PRELID2: variants seen among roughly 807,000 people sequenced by gnomAD.
The protein encoded by PRELID2 is PRELI domain-containing protein 2.
A neutral mutation model predicts 28.4 loss-of-function variants in PRELID2; 25 were observed. That is an observed-to-expected ratio of 0.88 (90% CI 0.64 to 1.23). The LOEUF is 1.23. Ranked by LOEUF, PRELID2 falls within the 50% of genes most tolerant of loss-of-function variation. The pLI, the probability that PRELID2 is intolerant of heterozygous loss-of-function variation, is 0.00. For synonymous variants in PRELID2, 76 were observed against 71.6 expected (o/e 1.06, Z -0.31); for missense variants, 201 against 214.4 (o/e 0.94, Z 0.39).
At chr5:145,506,644 A>G (rs552276191) in intron 1 of PRELID2, among the ~76,000 whole-genome samples, 1 of 152,298 alleles carries the variant, frequency 6.6e-6, no homozygotes, top group African/African-American at 2.4e-5. Context: ...CAAGCCCAAC[A>G]TTAATGGGGC....
intron 1 of PRELID2, among the ~76,000 whole-genome samples, chr5:145,489,867 T>C (rs1752251407): frequency 6.6e-6 from 1 of 152,214 alleles, no homozygotes; most frequent in Non-Finnish European, 1.5e-5. Flanking sequence ...ATGAAATACA[T>C]ACATTTATTT....
At chr5:145,252,673 T>C in the PRELID2 span, among the ~76,000 whole-genome samples, 3 of 152,070 alleles carry the variant, frequency 2.0e-5, no homozygotes, top group Admixed American at 1.3e-4. Flanking sequence ...CTGATGACAA[T>C]ACCTTAGATC....
the PRELID2 span, among the ~76,000 whole-genome samples, chr5:145,398,252 G>A: frequency 1.3e-5 from 2 of 151,972 alleles, no homozygotes; most frequent in Non-Finnish European, 2.9e-5. Context: ...TGTCCCCTGG[G>A]GCAACTGTTG....
the PRELID2 span, among the ~76,000 whole-genome samples, chr5:145,432,340 A>C: frequency 2.0e-5 from 3 of 151,696 alleles, no homozygotes; most frequent in African/African-American, 7.3e-5. Flanking sequence ...GAGAGCTTTT[A>C]ATTTTAAGGA....
At chr5:145,405,294 C>A in the PRELID2 span, among the ~76,000 whole-genome samples, 1 of 152,112 alleles carries the variant, frequency 6.6e-6, no homozygotes, top group Non-Finnish European at 1.5e-5. Flanking sequence ...TGTTTTTTCA[C>A]ACAGTTTATC....
chr5:145,464,280 C>A, the PRELID2 span, among the ~76,000 whole-genome samples: 1 of 152,062 alleles, frequency 6.6e-6, no homozygotes, highest in African/African-American at 2.4e-5. Context: ...TTATTTAAGG[C>A]CCTGGCTCAC....
At chr5:145,300,333 C>T in the PRELID2 span, among the ~76,000 whole-genome samples, 2 of 152,046 alleles carry the variant, frequency 1.3e-5, no homozygotes. Flanking sequence ...GAAAGTAATA[C>T]ATTTTAAGGC....
chr5:145,515,015 A>G (rs1405968262), intron 1 of PRELID2, among the ~76,000 whole-genome samples: 1 of 152,208 alleles, frequency 6.6e-6, no homozygotes, highest in Non-Finnish European at 1.5e-5. Context: ...CAGTGTTTAG[A>G]GGGAAATTTA....
the PRELID2 span, among the ~76,000 whole-genome samples, chr5:145,366,800 A>C: frequency 6.6e-6 from 1 of 151,858 alleles, no homozygotes; most frequent in South Asian, 2.1e-4. Context: ...AGGATGAGAG[A>C]TATCCATAGA....
chr5:145,684,469 T>C (rs149629336), intron 1 of PRELID2, among the ~76,000 whole-genome samples: 205 of 152,302 alleles, frequency 1.3e-3, no homozygotes, highest in Middle Eastern at 6.8e-3. Context: ...ATCACTCTCT[T>C]CTTATTGTTT....
the PRELID2 span, among the ~76,000 whole-genome samples, chr5:145,416,842 A>G: frequency 2.0e-5 from 3 of 152,094 alleles, no homozygotes; most frequent in Non-Finnish European, 4.4e-5. Flanking sequence ...CAAGAAAATC[A>G]GTGAATCCAG....
chr5:145,612,513 G>A (rs530185970), intron 1 of PRELID2, among the ~76,000 whole-genome samples: 6 of 152,170 alleles, frequency 3.9e-5, no homozygotes, highest in African/African-American at 1.2e-4. Context: ...TTGGTTACAT[G>A]AGCAAGTTCT....
At chr5:145,491,540 T>C (rs2126627012) in intron 1 of PRELID2, among the ~76,000 whole-genome samples, 1 of 152,288 alleles carries the variant, frequency 6.6e-6, no homozygotes, top group South Asian at 2.1e-4. Flanking sequence ...ATAGTTATCA[T>C]TTTTGTGGTA....
At chr5:145,517,987 G>A (rs7714874) in intron 1 of PRELID2, among the ~76,000 whole-genome samples, 1 of 151,640 alleles carries the variant, frequency 6.6e-6, no homozygotes, top group Non-Finnish European at 1.5e-5. Context: ...ACTGGGGCCT[G>A]TCAGTGGGTG....
chr5:145,454,847 T>C, the PRELID2 span, among the ~76,000 whole-genome samples: 59,009 of 151,940 alleles, frequency 0.39, 11,781 homozygotes, highest in Non-Finnish European at 0.43. Context: ...TCTTGTAAAT[T>C]TGTTTAAGTT....
At chr5:145,416,108 A>C in the PRELID2 span, among the ~76,000 whole-genome samples, 1 of 151,348 alleles carries the variant, frequency 6.6e-6, no homozygotes, top group Non-Finnish European at 1.5e-5. Context: ...CATATCCTTC[A>C]CCCACTTTTT....
chr5:145,255,876 A>G, the PRELID2 span, among the ~76,000 whole-genome samples: 1 of 151,974 alleles, frequency 6.6e-6, no homozygotes, highest in South Asian at 2.1e-4. Context: ...ATTGTAAAAT[A>G]TACATAAAAC....
chr5:145,465,763 AC>A, the PRELID2 span, among the ~76,000 whole-genome samples: 4 of 152,068 alleles, frequency 2.6e-5, no homozygotes, highest in African/African-American at 7.2e-5. Flanking sequence ...GTCCGAGAAA[AC>A]TTTTGTTAGT....
the PRELID2 span, among the ~76,000 whole-genome samples, chr5:145,464,181 A>G: frequency 1.3e-5 from 2 of 152,180 alleles, no homozygotes; most frequent in Non-Finnish European, 2.9e-5. Flanking sequence ...GAGGTTCTTT[A>G]ATTACCCCAA....
Sources: allele counts gnomAD v4.1 joint callset (sites outside exome capture counted in the v4.1 genomes callset), GRCh38; gene constraint gnomAD v4.1.1; transcripts MANE v1.5; gene names NCBI Gene and HGNC (gene_info 2026-07-23, HGNC 2026-07-21).